STARD5: variants seen among roughly 807,000 people sequenced by gnomAD.
STARD5 encodes StAR related lipid transfer domain containing 5.
Under a neutral mutation model 24.6 loss-of-function variants are expected in STARD5, and 26 were observed. The ratio of observed to expected loss-of-function variants is 1.06; its 90% CI spans 0.77 to 1.47. The LOEUF is 1.47. Ranked by LOEUF, STARD5 falls within the 40% of genes most tolerant of loss-of-function variation. STARD5 has a pLI of 0.00. For missense variants in STARD5, 254 were observed against 270.8 expected (o/e 0.94, Z 0.44); for synonymous variants, 101 against 99.7 (o/e 1.01, Z -0.07).
intron 5 of STARD5, chr15:81,314,045 G>A (rs960200674): frequency 6.6e-6 from 1 of 152,130 alleles, no homozygotes; most frequent in Non-Finnish European, 1.5e-5. Context: ...AAATAAAAAT[G>A]TTATCTATGT....
rs548878159 is a variant in STARD5, at chr15:81,315,781, G to A, written c.495-2378C>T. Among the ~76,000 whole-genome samples, 140 of 152,254 alleles carry A rather than the reference G, an allele frequency of 9.2e-4. 1 individual carries two copies. Among genetic ancestry groups the A allele is most frequent in the African/African-American group, 3.1e-3 (129 of 41,550 alleles). On this transcript the variant is annotated intron_variant, in intron 5 of 5. Coordinates refer to ENST00000302824, the MANE Select transcript of STARD5 (RefSeq NM_181900.3). ...GGAGAGAGAAGGCCCTAGCAAAGGC[G>A]GGATGGGCAGGGGTTGGTGGGTGAG...
At chr15:81,318,688 ACT>A (rs1380427064) in intron 4 of STARD5, among the ~76,000 whole-genome samples, 186 bp from the exon 5 acceptor site, 1 of 151,646 alleles carries the variant, frequency 6.6e-6, no homozygotes, top group South Asian at 2.1e-4. Context: ...ATACAAATAC[ACT>A]CTCACATGCG....
intron 1 of STARD5, chr15:81,323,687 C>G: frequency 1.1e-6 from 1 of 950,456 alleles, no homozygotes; most frequent in Non-Finnish European, 1.7e-6. Flanking sequence ...CCTGCTTACC[C>G]CTTAAATGCA....
rs1391768615 is a variant in STARD5 at position 81,312,299 on chromosome 15, CA to C, written c.*956del. ...GCCCCTGTGAGTTTGTACAGTCTTGCAGCAGGATCTAGAGGGGGGATTTCCA... is the reference window on the plus strand; with the variant it reads ...GCCCCTGTGAGTTTGTACAGTCTTGCGCAGGATCTAGAGGGGGGATTTCCA... On this transcript the variant is annotated 3_prime_UTR_variant, in exon 6 of 6. Transcript: ENST00000302824. The C allele has an allele frequency of 2.6e-5, 4 of 152,386 alleles. No individual in the cohort carries two copies. Among genetic ancestry groups the C allele is most frequent in the African/African-American group, 9.6e-5 (4 of 41,580 alleles). The allele number at this position is 152,386 out of a possible 1,614,324, so 9.4% of individuals were successfully genotyped here.
intron 5 of STARD5, among the ~76,000 whole-genome samples, chr15:81,317,286 A>C (rs893205190): frequency 3.9e-5 from 6 of 152,034 alleles, no homozygotes; most frequent in Non-Finnish European, 7.4e-5. Context: ...ACCAAAAAGA[A>C]GACAGCAATG....
chr15:81,322,437 C>T lies in STARD5; in HGVS notation c.253G>A (p.Gly85Ser), dbSNP rs764517194. The change falls in exon 3 of 6, where the codon GGT (glycine) becomes AGT (serine). Residue 85 changes from glycine (G) to serine (S), a missense_variant. Gly to Ser is a moderately conservative substitution (Grantham distance 56). Transcript: ENST00000302824. ...LRVKWDENVT[G>S]FEIIQSITDT... Reference sequence around the variant, plus strand: ...GTGATGCTTTGGATAATTTCAAAACCGGTCACATTCTCATCCCACTTCACT... The same window carrying T: ...GTGATGCTTTGGATAATTTCAAAACTGGTCACATTCTCATCCCACTTCACT... The T allele has an allele frequency of 3.1e-6, 5 of 1,614,056 alleles. No homozygotes were observed. The highest frequency in any genetic ancestry group is 2.7e-5 in the African/African-American group (2 of 74,914).
At chr15:81,318,606 A>G (rs957268191) in intron 4 of STARD5, 104 bp from the exon 5 acceptor site, 4 of 1,016,194 alleles carry the variant, frequency 3.9e-6, no homozygotes, top group Non-Finnish European at 6.0e-6. Context: ...GCAGCCCTGG[A>G]GTCTGTGAGG....
In STARD5 at chr15:81,313,313, G is replaced by A; in HGVS notation, c.585C>T (p.Arg195=). Residue 195 remains arginine, a synonymous_variant, in exon 6 of 6, where the codon CGC becomes CGT. Transcript: ENST00000302824. ...GGTTGGCATAAAACCGGGTCATGCT[G>A]CGGGGGAAGAAGGAGTCCACCACGT... is the stretch of plus-strand genomic sequence containing the variant. ...PQNVVDSFFP[R]SMTRFYANLQ... 1 of 1,579,788 alleles carries A rather than the reference G, an allele frequency of 6.3e-7. No individual in the cohort carries two copies. The highest frequency in any genetic ancestry group is 8.6e-7 in the Non-Finnish European group (1 of 1,163,426).
chr15:81,321,153 T>A (rs1901186757), intron 3 of STARD5, among the ~76,000 whole-genome samples: 3 of 152,224 alleles, frequency 2.0e-5, no homozygotes, highest in Admixed American at 2.0e-4. Context: ...AAAGTTTGTA[T>A]CTTTTCATGG....
At position 81,310,244 on chromosome 15, in the gene STARD5, T is replaced by A. The variant is rs1297253320; in HGVS notation, c.*3012A>T. 3.3e-5 allele frequency: 5 copies of A among 152,234 alleles called. No individual in the cohort carries two copies. Among genetic ancestry groups the A allele is most frequent in the African/African-American group, 1.2e-4 (5 of 41,462 alleles). The allele number at this position is 152,234 out of a possible 1,614,324, so 9.4% of individuals were successfully genotyped here. A position where few individuals can be genotyped will look rare whatever the true frequency, so the allele number is the denominator to read the frequency against. On this transcript the variant is annotated 3_prime_UTR_variant, in exon 6 of 6. Transcript: ENST00000302824. ...TCTCAGGCCATCATCAGTGGAGCCA[T>A]GTTAATGTAATCTGATGGCTTCTCC... is the stretch of plus-strand genomic sequence containing the variant.
In STARD5 at chr15:81,312,991, A is replaced by G. The variant is rs1356703748; in HGVS notation, c.*265T>C. The G allele has an allele frequency of 1.2e-5, 3 of 254,128 alleles. No homozygotes were observed. The highest frequency in any genetic ancestry group is 2.3e-5 in the Non-Finnish European group (3 of 132,794). The allele number at this position is 254,128 out of a possible 1,614,324, so 15.7% of individuals were successfully genotyped here. On this transcript the variant is annotated 3_prime_UTR_variant, in exon 6 of 6. Coordinates refer to ENST00000302824, the MANE Select transcript of STARD5 (RefSeq NM_181900.3). ...GTCAGATGGTTAGAGGCCTGGGTCT[A>G]CCCTGCCAGGAGAGGCGTGTTTGGG...
At chr15:81,314,913 A>AAG (rs1278622811) in intron 5 of STARD5, among the ~76,000 whole-genome samples, 1 of 141,874 alleles carries the variant, frequency 7.0e-6, no homozygotes, top group Non-Finnish European at 1.6e-5. Flanking sequence ...AAAAAAAAAA[A>AAG]AAGAATCTCA....
At chr15:81,316,829 TG>T (rs1039477152) in intron 5 of STARD5, among the ~76,000 whole-genome samples, 2 of 152,174 alleles carry the variant, frequency 1.3e-5, no homozygotes, top group Non-Finnish European at 2.9e-5. Context: ...GGAGAGGAGT[TG>T]GAAGAGTCAA....
intron 5 of STARD5, 108 bp from the exon 6 acceptor site, chr15:81,313,511 T>A: frequency 9.1e-7 from 1 of 1,096,030 alleles, no homozygotes; most frequent in Non-Finnish European, 1.2e-6. Context: ...CATGATACAG[T>A]GATCGCGTCT....
intron 3 of STARD5, among the ~76,000 whole-genome samples, chr15:81,321,517 G>A (rs1901194093): frequency 6.6e-6 from 1 of 151,604 alleles, no homozygotes; most frequent in Non-Finnish European, 1.5e-5. Context: ...GGCTGAGGCA[G>A]GAGAATCACT....
At chr15:81,319,317 A>G in intron 4 of STARD5, 22 bp downstream of exon 4, 2 of 1,594,594 alleles carry the variant, frequency 1.3e-6, no homozygotes, top group Non-Finnish European at 1.7e-6. Flanking sequence ...AAGGCATGGC[A>G]GCTCCTCCGG....
At chr15:81,322,753 G>T (rs1380694854) in intron 2 of STARD5, 146 bp downstream of exon 2, 2 of 1,326,040 alleles carry the variant, frequency 1.5e-6, no homozygotes, top group Non-Finnish European at 2.1e-6. Flanking sequence ...TGCTGGAAAT[G>T]ATTTCATTAA....
chr15:81,323,184 A>T (rs1893323694), intron 1 of STARD5: 2 of 550,848 alleles, frequency 3.6e-6, no homozygotes, highest in South Asian at 2.3e-5. Context: ...GGTGGTTTTT[A>T]AAATTATCTT....
Position 81,309,060 on chromosome 15 carries a change from G to A in STARD5, c.*4196C>T. 5.3e-6 allele frequency: 2 copies of A among 374,854 alleles called. No individual in the cohort carries two copies. Among genetic ancestry groups the A allele is most frequent in the Non-Finnish European group, 9.5e-6 (2 of 210,306 alleles). 23.2% of individuals were successfully genotyped at this position (374,854 alleles called of 1,614,324 possible). On this transcript the variant is annotated 3_prime_UTR_variant, in exon 6 of 6. Coordinates refer to ENST00000302824, the MANE Select transcript of STARD5 (RefSeq NM_181900.3). ...GAGAGCTTAATGATAATATTGTGGT[G>A]CCACAAATAAAATGGATTTATTAGA...
Sources: gnomAD v4.1 joint callset for allele counts (sites outside exome capture counted in the v4.1 genomes callset) on GRCh38, gnomAD v4.1.1 for gene constraint, MANE v1.5 for transcripts, NCBI Gene and HGNC (gene_info 2026-07-23, HGNC 2026-07-21) for gene names.